Variants in CSMD1 observed in about 807,000 individuals in gnomAD.
CSMD1 encodes CUB and Sushi multiple domains 1, also known as CUB and sushi domain-containing protein 1.
A neutral mutation model predicts 417.5 loss-of-function variants in CSMD1; 213 were observed. The ratio of observed to expected loss-of-function variants is 0.51; its 90% CI spans 0.46 to 0.57. The LOEUF is 0.57. CSMD1 is among the 20% of genes least tolerant of loss of function. CSMD1 has a pLI of 0.00. For missense variants in CSMD1, 6,923 were observed against 4,529.7 expected (o/e 1.53, Z -15.17); for synonymous variants, 2,862 against 1,736.8 (o/e 1.65, Z -16.11).
intron 3 of CSMD1, among the ~76,000 whole-genome samples, chr8:4,224,224 G>C (rs750199387): frequency 1.2e-4 from 3 of 24,682 alleles, no homozygotes; most frequent in Non-Finnish European, 2.3e-4. Context: ...TCCTAAAAAG[G>C]CCTTTTTCAG....
intron 1 of CSMD1, among the ~76,000 whole-genome samples, chr8:4,972,605 C>T (rs1370477814): frequency 1.3e-5 from 2 of 152,108 alleles, no homozygotes; most frequent in Non-Finnish European, 2.9e-5. Flanking sequence ...TCACCTCAGG[C>T]AGTTCTTTAT....
At chr8:4,320,644 T>C (rs988247298) in intron 3 of CSMD1, among the ~76,000 whole-genome samples, 5 of 152,180 alleles carry the variant, frequency 3.3e-5, no homozygotes, top group Admixed American at 3.3e-4. Context: ...TTGCTGAGAA[T>C]GATGGTTTAC....
chr8:4,361,819 G>C (rs371238261), intron 3 of CSMD1, among the ~76,000 whole-genome samples: 1 of 152,036 alleles, frequency 6.6e-6, no homozygotes, highest in Non-Finnish European at 1.5e-5. Context: ...GCCAGGCGTG[G>C]TGCGGGGCGC....
intron 3 of CSMD1, among the ~76,000 whole-genome samples, chr8:4,128,257 G>A (rs187546806): frequency 7.2e-5 from 11 of 152,196 alleles, no homozygotes; most frequent in East Asian, 1.9e-4. Context: ...GTGCAATCCC[G>A]TGGAGGAATG....
In CSMD1 at chr8:4,920,951, AAAG is replaced by A. The variant is rs1303130713; in HGVS notation, c.85+73378_85+73380del. Among the ~76,000 whole-genome samples, 33 of 13,466 alleles carry A rather than the reference AAAG, an allele frequency of 2.5e-3. 3 individuals are homozygous for A. Among genetic ancestry groups the A allele is most frequent in the South Asian group, 0.012 (4 of 326 alleles). 8.8% of individuals were successfully genotyped at this position (13,466 alleles called of 152,430 possible). ...GAAAGAGAGAAAGAAAGAAAGAAAG[AAAG>A]AAAGAAAGAAAGAAAGAAAGAAAGA... On this transcript the variant is annotated intron_variant, in intron 1 of 69. Coordinates refer to ENST00000635120, the MANE Select transcript of CSMD1 (RefSeq NM_033225.6).
rs770691489 is a variant in CSMD1, at chr8:2,963,990, AG to A, written c.9281-596del. ...GCTGAGAAGCAAGCACGTGGTTGCT[AG>A]GGAGGATTTCCCCGAGGGTGATGTC... On this transcript the variant is annotated intron_variant, in intron 59 of 69. Transcript: ENST00000635120. Among the ~76,000 whole-genome samples, 4 of 152,324 alleles carry A rather than the reference AG, an allele frequency of 2.6e-5. No individual in the cohort carries two copies. The East Asian group carries it at 7.7e-4, about 29-fold the overall frequency.
chr8:4,258,076 T>A (rs1803588276), intron 3 of CSMD1, among the ~76,000 whole-genome samples: 1 of 151,748 alleles, frequency 6.6e-6, no homozygotes. Context: ...CCCTAGTAAC[T>A]GGGACTACAG....
At chr8:3,728,997 A>G (rs1398329981) in intron 6 of CSMD1, among the ~76,000 whole-genome samples, 1 of 152,172 alleles carries the variant, frequency 6.6e-6, no homozygotes, top group Non-Finnish European at 1.5e-5. Context: ...GTGTGATGCT[A>G]CTGTCCTCTG....
intron 1 of CSMD1, among the ~76,000 whole-genome samples, chr8:4,651,243 G>A (rs888680353): frequency 6.6e-6 from 1 of 152,238 alleles, no homozygotes; most frequent in East Asian, 1.9e-4. Flanking sequence ...AACAGCAAGA[G>A]GACAGTTTTA....
chr8:4,134,192 G>C (rs1033883940), intron 3 of CSMD1, among the ~76,000 whole-genome samples: 34 of 152,126 alleles, frequency 2.2e-4, no homozygotes, highest in African/African-American at 7.5e-4. Flanking sequence ...TAAAGTTGAA[G>C]GAAAGTCACT....
chr8:3,813,954 A>G (rs1801229222), intron 5 of CSMD1, among the ~76,000 whole-genome samples: 1 of 152,198 alleles, frequency 6.6e-6, no homozygotes, highest in Non-Finnish European at 1.5e-5. Context: ...TGAGAAATGT[A>G]AGACCCTGAA....
chr8:3,297,005 T>C (rs1563240599), intron 25 of CSMD1, among the ~76,000 whole-genome samples: 1 of 152,168 alleles, frequency 6.6e-6, no homozygotes, highest in Non-Finnish European at 1.5e-5. Flanking sequence ...CTGGATGAAA[T>C]CTTCGAAGTT....
chr8:4,391,790 G>A lies in CSMD1; in HGVS notation c.415+28163C>T, dbSNP rs572790195. Among the ~76,000 whole-genome samples the A allele has an allele frequency of 1.3e-4, 20 of 152,158 alleles. No homozygotes were observed. The East Asian group carries it at 1.6e-3, about 12-fold the overall frequency. ...CTTTCCCTCTCCCCTGAGTTTGAGCGGCTGCTAAGCTCAAATCATGGCAGC... is the reference window on the plus strand; with the variant it reads ...CTTTCCCTCTCCCCTGAGTTTGAGCAGCTGCTAAGCTCAAATCATGGCAGC... On this transcript the variant is annotated intron_variant, in intron 3 of 69. Transcript: ENST00000635120.
intron 8 of CSMD1, among the ~76,000 whole-genome samples, chr8:3,612,144 G>A (rs74497848): frequency 6.6e-6 from 1 of 151,976 alleles, no homozygotes; most frequent in African/African-American, 2.4e-5. Context: ...TTCAAAGAAA[G>A]CTAAAATGGC....
intron 2 of CSMD1, among the ~76,000 whole-genome samples, chr8:4,629,128 A>C (rs1172857769): frequency 6.6e-6 from 1 of 152,214 alleles, no homozygotes; most frequent in Non-Finnish European, 1.5e-5. Context: ...AAATGAAACA[A>C]AAAGCATTCC....
At chr8:3,725,465 G>A (rs531164967) in intron 6 of CSMD1, among the ~76,000 whole-genome samples, 18 of 152,308 alleles carry the variant, frequency 1.2e-4, no homozygotes, top group African/African-American at 4.1e-4. Flanking sequence ...GGGGCCAAAG[G>A]AGAAATACCG....
At chr8:4,031,708 A>C (rs1797356127) in intron 4 of CSMD1, among the ~76,000 whole-genome samples, 197 bp downstream of exon 4, 1 of 152,202 alleles carries the variant, frequency 6.6e-6, no homozygotes, top group Non-Finnish European at 1.5e-5. Flanking sequence ...TGCAATATTA[A>C]ATGTTATTAC....
intron 33 of CSMD1, among the ~76,000 whole-genome samples, chr8:3,193,814 G>C (rs564198487): frequency 6.6e-6 from 1 of 152,100 alleles, no homozygotes; most frequent in Non-Finnish European, 1.5e-5. Context: ...CTCATCTGTC[G>C]GGAAAAGCCG....
At chr8:3,382,496 T>C (rs900598997) in intron 18 of CSMD1, among the ~76,000 whole-genome samples, 1 of 56,370 alleles carries the variant, frequency 1.8e-5, no homozygotes, top group Middle Eastern at 9.4e-3. Context: ...TAATTAGTTA[T>C]GTATATAAAT....
Sources: allele counts gnomAD v4.1 joint callset (sites outside exome capture counted in the v4.1 genomes callset), GRCh38; gene constraint gnomAD v4.1.1; transcripts MANE v1.5; gene names NCBI Gene and HGNC (gene_info 2026-07-23, HGNC 2026-07-21).